Variants in ARHGAP18 observed in about 807,000 individuals in gnomAD.
ARHGAP18 encodes the protein Rho GTPase activating protein 18.
Under a neutral mutation model 86.2 loss-of-function variants are expected in ARHGAP18, and 67 were observed. The observed-to-expected ratio is 0.78, with a 90% CI of 0.64 to 0.95. The LOEUF is 0.95. Ranked by LOEUF, ARHGAP18 falls within the 40% of genes least tolerant of loss-of-function variation. ARHGAP18 has a pLI of 0.00. For synonymous variants in ARHGAP18, 283 were observed against 280.4 expected (o/e 1.01, Z -0.09); for missense variants, 691 against 780.4 (o/e 0.89, Z 1.37).
At chr6:129,669,236 G>A (rs987297395) in intron 1 of ARHGAP18, among the ~76,000 whole-genome samples, 2 of 151,662 alleles carry the variant, frequency 1.3e-5, no homozygotes, top group Non-Finnish European at 2.9e-5. Flanking sequence ...CAATGGCGAG[G>A]TCACGGCTCA....
intron 1 of ARHGAP18, among the ~76,000 whole-genome samples, chr6:129,707,553 C>G (rs28471068): frequency 1.3e-5 from 2 of 151,952 alleles, no homozygotes; most frequent in Non-Finnish European, 1.5e-5. Context: ...ACTGCAATCT[C>G]TGCTCCACCA....
rs769872908 is a variant in ARHGAP18, at chr6:129,629,460, CA to C, written c.678del (p.Glu227LysfsTer58). 1.2e-6 allele frequency: 2 copies of C among 1,613,728 alleles called. No homozygotes were observed. The highest frequency in any genetic ancestry group is 1.3e-5 in the African/African-American group (1 of 74,822). ...GATACCTCCAGGTTGATGTCTGTTT[CA>C]GGGGCAGGCGTCTCCTCAGGTGGGA... The part of the protein sequence containing the change: ...KLIPPEETPA[P>X]ETDINLEVSF... On this transcript the variant is annotated frameshift_variant, in exon 5 of 15. Transcript: ENST00000368149. LOFTEE classifies it high-confidence loss of function.
intron 6 of ARHGAP18, among the ~76,000 whole-genome samples, chr6:129,617,593 CAACTT>C (rs1427693592): frequency 1.3e-5 from 2 of 151,836 alleles, no homozygotes; most frequent in Admixed American, 1.3e-4. Flanking sequence ...TTGATATAAA[CAACTT>C]AACGTTTCTT....
intron 7 of ARHGAP18, among the ~76,000 whole-genome samples, chr6:129,615,751 C>T (rs994719685): frequency 3.9e-5 from 6 of 152,278 alleles, no homozygotes; most frequent in Middle Eastern, 6.8e-3. Context: ...ACACAAGTGA[C>T]TTAACAGTTT....
chr6:129,608,931 T>G (rs1788915702), intron 8 of ARHGAP18, among the ~76,000 whole-genome samples: 1 of 146,766 alleles, frequency 6.8e-6, no homozygotes, highest in Non-Finnish European at 1.5e-5. Flanking sequence ...ATTGATGAAA[T>G]AGGTGAAGGG....
chr6:129,685,042 T>C (rs754437192), intron 1 of ARHGAP18, among the ~76,000 whole-genome samples: 51 of 152,170 alleles, frequency 3.4e-4, no homozygotes, highest in Non-Finnish European at 5.7e-4. Context: ...CGGTGGACAC[T>C]GGACACAGCG....
At chr6:129,676,985 C>T (rs1326524601) in intron 1 of ARHGAP18, among the ~76,000 whole-genome samples, 9 of 133,880 alleles carry the variant, frequency 6.7e-5, no homozygotes. Flanking sequence ...ACAGTAACAC[C>T]GCTGAATTTT....
chr6:129,645,633 A>G (rs1291470258), intron 1 of ARHGAP18, among the ~76,000 whole-genome samples: 1 of 152,168 alleles, frequency 6.6e-6, no homozygotes, highest in Admixed American at 6.5e-5. Context: ...CTCACCTTTT[A>G]CAAGTATAAT....
chr6:129,597,510 C>T (rs1192788762), intron 12 of ARHGAP18, among the ~76,000 whole-genome samples: 3 of 152,070 alleles, frequency 2.0e-5, no homozygotes, highest in Non-Finnish European at 2.9e-5. Flanking sequence ...CCAGTGAAGC[C>T]TCTCTCATGC....
chr6:129,581,725 G>T (rs1241542979), intron 13 of ARHGAP18, among the ~76,000 whole-genome samples: 2 of 152,160 alleles, frequency 1.3e-5, no homozygotes, highest in Non-Finnish European at 2.9e-5. Flanking sequence ...TCATTCATAT[G>T]TCCATTGGCT....
intron 3 of ARHGAP18, among the ~76,000 whole-genome samples, chr6:129,638,181 G>A (rs1051320347): frequency 6.6e-6 from 1 of 152,148 alleles, no homozygotes; most frequent in Non-Finnish European, 1.5e-5. Context: ...GGATTATCAT[G>A]CTGAATTTTA....
At chr6:129,705,406 T>C (rs773999590) in intron 1 of ARHGAP18, among the ~76,000 whole-genome samples, 2 of 152,294 alleles carry the variant, frequency 1.3e-5, no homozygotes, top group Non-Finnish European at 2.9e-5. Flanking sequence ...TATCTTGCCA[T>C]AGAGTCAATA....
At chr6:129,653,920 G>A (rs1245058696) in intron 1 of ARHGAP18, among the ~76,000 whole-genome samples, 2 of 152,142 alleles carry the variant, frequency 1.3e-5, no homozygotes, top group African/African-American at 4.8e-5. Context: ...GCATGTGACT[G>A]TAGTCCCAGC....
intron 10 of ARHGAP18, among the ~76,000 whole-genome samples, chr6:129,602,171 A>G (rs1788760609): frequency 6.6e-6 from 1 of 152,126 alleles, no homozygotes; most frequent in Non-Finnish European, 1.5e-5. Context: ...ACAGGTATTC[A>G]ATGTTCTCTA....
intron 1 of ARHGAP18, among the ~76,000 whole-genome samples, chr6:129,644,626 C>T (rs2114502649): frequency 6.6e-6 from 1 of 152,300 alleles, no homozygotes; most frequent in South Asian, 2.1e-4. Context: ...ACAATAAGTA[C>T]TGTAAACTGT....
At chr6:129,600,604 T>C (rs1230319989) in intron 11 of ARHGAP18, 38 bp downstream of exon 11, 2 of 1,524,258 alleles carry the variant, frequency 1.3e-6, no homozygotes, top group Non-Finnish European at 1.8e-6. Flanking sequence ...AATTTGTTTT[T>C]TAAACTACTA....
At chr6:129,687,248 C>T (rs1330696450) in intron 1 of ARHGAP18, among the ~76,000 whole-genome samples, 3 of 152,080 alleles carry the variant, frequency 2.0e-5, no homozygotes, top group Admixed American at 6.5e-5. Context: ...CTCTAGTTCA[C>T]GGGTCTCAGA....
intron 12 of ARHGAP18, among the ~76,000 whole-genome samples, chr6:129,593,955 T>C (rs1375339167): frequency 6.6e-6 from 1 of 152,148 alleles, no homozygotes; most frequent in Non-Finnish European, 1.5e-5. Flanking sequence ...TGCCCAATTA[T>C]AAACGGTTAG....
At chr6:129,700,222 T>C (rs1774688840) in intron 1 of ARHGAP18, among the ~76,000 whole-genome samples, 1 of 152,232 alleles carries the variant, frequency 6.6e-6, no homozygotes, top group Admixed American at 6.5e-5. Context: ...TAATGATACA[T>C]TGGTACTTTT....
Sources: gnomAD v4.1 joint callset for allele counts (sites outside exome capture counted in the v4.1 genomes callset) on GRCh38, gnomAD v4.1.1 for gene constraint, MANE v1.5 for transcripts, NCBI Gene and HGNC (gene_info 2026-07-23, HGNC 2026-07-21) for gene names.